The following FSTL5 variants were observed in gnomAD, a reference collection of about 807,000 sequenced individuals.
The protein encoded by FSTL5 is follistatin like 5.
A neutral mutation model predicts 89.1 loss-of-function variants in FSTL5; 62 were observed. That is an observed-to-expected ratio of 0.70 (90% CI 0.57 to 0.86). FSTL5 has a LOEUF of 0.86. FSTL5 is among the 40% of genes least tolerant of loss of function. FSTL5 has a pLI of 0.00. For missense variants in FSTL5, 1,057 were observed against 1,001.6 expected (o/e 1.06, Z -0.75); for synonymous variants, 383 against 346.2 (o/e 1.11, Z -1.18).
chr4:162,129,086 C>T (rs1732195836), intron 1 of FSTL5, among the ~76,000 whole-genome samples: 1 of 152,120 alleles, frequency 6.6e-6, no homozygotes, highest in African/African-American at 2.4e-5. Context: ...GCGCCCACCA[C>T]CACGCCCAGC....
At chr4:161,809,004 G>C (rs1009800656) in intron 4 of FSTL5, among the ~76,000 whole-genome samples, 1 of 152,168 alleles carries the variant, frequency 6.6e-6, no homozygotes, top group Non-Finnish European at 1.5e-5. Context: ...AGATCACGAG[G>C]TCAGAAGATC....
chr4:161,918,459 A>G (rs963629472), intron 4 of FSTL5, among the ~76,000 whole-genome samples: 2 of 152,172 alleles, frequency 1.3e-5, no homozygotes, highest in Admixed American at 6.5e-5. Context: ...TCTCATAAAT[A>G]TGTTTGGTAT....
At chr4:161,701,532 C>CAGTT (rs1560798034) in intron 6 of FSTL5, among the ~76,000 whole-genome samples, 1 of 151,598 alleles carries the variant, frequency 6.6e-6, no homozygotes, top group Non-Finnish European at 1.5e-5. Flanking sequence ...GAAAAGAAAC[C>CAGTT]AGTTAACCAC....
chr4:161,514,431 G>T (rs1460597170), intron 10 of FSTL5, among the ~76,000 whole-genome samples: 2 of 152,026 alleles, frequency 1.3e-5, no homozygotes, highest in Non-Finnish European at 2.9e-5. Context: ...GGGTTCACAT[G>T]GACATAAAAA....
chr4:161,630,490 T>C (rs1419469719), intron 7 of FSTL5, among the ~76,000 whole-genome samples: 1 of 152,190 alleles, frequency 6.6e-6, no homozygotes, highest in Admixed American at 6.5e-5. Context: ...TCATCATAAG[T>C]ATAGCCAATG....
intron 2 of FSTL5, among the ~76,000 whole-genome samples, chr4:162,050,374 A>C (rs1011343856): frequency 8.6e-5 from 13 of 151,360 alleles, no homozygotes; most frequent in Admixed American, 2.0e-4. Flanking sequence ...TTAGTAATTA[A>C]ATGTTAAAAC....
intron 3 of FSTL5, among the ~76,000 whole-genome samples, chr4:161,965,256 C>G (rs929371378): frequency 7.9e-5 from 12 of 152,078 alleles, no homozygotes; most frequent in Non-Finnish European, 1.8e-4. Context: ...GACACTTTTA[C>G]AAGTTATCCA....
At chr4:162,005,406 G>T (rs533373896) in intron 3 of FSTL5, among the ~76,000 whole-genome samples, 1 of 152,134 alleles carries the variant, frequency 6.6e-6, no homozygotes, top group South Asian at 2.1e-4. Context: ...TGGTGTCTTT[G>T]GTAGCCCGCC....
chr4:161,537,613 C>T (rs1365325799), intron 10 of FSTL5, among the ~76,000 whole-genome samples: 1 of 152,116 alleles, frequency 6.6e-6, no homozygotes, highest in African/African-American at 2.4e-5. Flanking sequence ...AATCAGACAA[C>T]ATGAACCATG....
chr4:161,866,853 G>C (rs1010449459), intron 4 of FSTL5, among the ~76,000 whole-genome samples: 7 of 151,550 alleles, frequency 4.6e-5, no homozygotes, highest in African/African-American at 1.7e-4. Flanking sequence ...ATACCCTTGA[G>C]GAAATAAAGA....
chr4:161,551,682 C>T (rs1732218984), intron 8 of FSTL5, among the ~76,000 whole-genome samples: 2 of 151,892 alleles, frequency 1.3e-5, no homozygotes, highest in African/African-American at 4.8e-5. Flanking sequence ...AATAATGCCG[C>T]ATATCTACAA....
chr4:162,160,383 T>G (rs1009849908), intron 1 of FSTL5, among the ~76,000 whole-genome samples: 1 of 151,734 alleles, frequency 6.6e-6, no homozygotes, highest in Admixed American at 6.6e-5. Flanking sequence ...TAACCTAAAG[T>G]AGGATATACC....
intron 4 of FSTL5, among the ~76,000 whole-genome samples, chr4:161,878,663 T>A (rs1732525921): frequency 6.6e-6 from 1 of 152,066 alleles, no homozygotes; most frequent in African/African-American, 2.4e-5. Context: ...TGATTATGAA[T>A]TGTAAAATAA....
At chr4:161,505,289 A>G (rs1339557718) in intron 11 of FSTL5, among the ~76,000 whole-genome samples, 1 of 152,110 alleles carries the variant, frequency 6.6e-6, no homozygotes, top group African/African-American at 2.4e-5. Context: ...TTTGGAGATA[A>G]CATTGTCTTT....
intron 6 of FSTL5, among the ~76,000 whole-genome samples, chr4:161,730,305 T>C (rs910052394): frequency 6.6e-6 from 1 of 152,034 alleles, no homozygotes; most frequent in Non-Finnish European, 1.5e-5. Flanking sequence ...CAAATATGAG[T>C]TGTTTTGAGT....
rs1457697241 is a variant in FSTL5 at position 161,619,831 on chromosome 4, A to C, written c.895-32256T>G. On this transcript the variant is annotated intron_variant, in intron 7 of 15. Transcript: ENST00000306100. ...AAATACCACTTGACCCAGCCATCCC[A>C]TTACTGGGTATATACCCAAAGGACT... 2.0e-5 allele frequency among the ~76,000 whole-genome samples: 3 copies of C among 152,124 alleles called. No homozygotes were observed. In the East Asian group the frequency reaches 5.8e-4, roughly 29 times the overall value.
At chr4:161,636,460 C>CT (rs67780564) in intron 7 of FSTL5, among the ~76,000 whole-genome samples, 3,930 of 121,048 alleles carry the variant, frequency 0.032, 51 homozygotes, top group South Asian at 0.041. Context: ...TTTTTTTTTT[C>CT]TTTTTTTTTT....
At chr4:162,050,588 A>C (rs1738346852) in intron 2 of FSTL5, among the ~76,000 whole-genome samples, 1 of 150,612 alleles carries the variant, frequency 6.6e-6, no homozygotes, top group African/African-American at 2.4e-5. Context: ...TCACTCTTGG[A>C]AAAAAAGACT....
intron 3 of FSTL5, 124 bp downstream of exon 3, chr4:162,033,501 A>T: frequency 1.7e-6 from 1 of 587,580 alleles, no homozygotes. Context: ...GTAAAATCAC[A>T]CTGAATATTT....
Sources: gnomAD v4.1 joint callset for allele counts (sites outside exome capture counted in the v4.1 genomes callset) on GRCh38, gnomAD v4.1.1 for gene constraint, MANE v1.5 for transcripts, NCBI Gene and HGNC (gene_info 2026-07-23, HGNC 2026-07-21) for gene names.